MALRD1: variants seen among roughly 807,000 people sequenced by gnomAD.
The protein encoded by MALRD1 is MAM and LDL-receptor class A domain-containing protein 1.
In MALRD1, 247 loss-of-function variants were observed where a neutral mutation model predicts 242.1. The ratio of observed to expected loss-of-function variants is 1.02; its 90% confidence interval spans 0.92 to 1.13. The LOEUF (loss-of-function observed/expected upper bound fraction) is 1.13. Among genes scored for constraint, MALRD1 ranks in the 50% most tolerant of loss-of-function variants. The pLI is 0.00. For synonymous variants in MALRD1, 995 were observed against 866.6 expected (o/e 1.15, Z -2.60); for missense variants, 2,989 against 2,533.1 (o/e 1.18, Z -3.86).
At chr10:19,189,288 A>C (rs1447869501) in intron 14 of MALRD1, among the ~76,000 whole-genome samples, 1 of 152,184 alleles carries the variant, frequency 6.6e-6, no homozygotes, top group Non-Finnish European at 1.5e-5. Flanking sequence ...ATGGACCTAC[A>C]ACTAGCAAAG....
chr10:19,544,108 A>G (rs903420464), intron 32 of MALRD1, among the ~76,000 whole-genome samples: 1 of 150,796 alleles, frequency 6.6e-6, no homozygotes, highest in African/African-American at 2.5e-5. Context: ...TCATTGTCAT[A>G]TAGATCTTTT....
chr10:19,142,525 G>T (rs1833586054), intron 10 of MALRD1, among the ~76,000 whole-genome samples: 1 of 152,134 alleles, frequency 6.6e-6, no homozygotes, highest in South Asian at 2.1e-4. Context: ...GCAAGAGAAA[G>T]CTTTGTCATA....
At chr10:19,441,464 A>G (rs1264216293) in intron 28 of MALRD1, among the ~76,000 whole-genome samples, 1 of 152,154 alleles carries the variant, frequency 6.6e-6, no homozygotes, top group East Asian at 1.9e-4. Context: ...TAGGATTTTT[A>G]TGGTTATAGG....
At chr10:19,699,243 T>A (rs1234320054) in intron 38 of MALRD1, among the ~76,000 whole-genome samples, 4 of 141,170 alleles carry the variant, frequency 2.8e-5, no homozygotes, top group African/African-American at 1.2e-4. Context: ...CATGGTGTAA[T>A]ATGTACCTGG....
At chr10:19,227,154 A>AT (rs796326723) in intron 18 of MALRD1, among the ~76,000 whole-genome samples, 1,505 of 147,396 alleles carry the variant, frequency 0.01, 8 homozygotes, top group African/African-American at 0.021. Flanking sequence ...GCTGATTCTA[A>AT]TTTTTTTTTT....
intron 38 of MALRD1, among the ~76,000 whole-genome samples, chr10:19,695,541 A>G (rs1452554546): frequency 1.6e-5 from 2 of 127,424 alleles, no homozygotes; most frequent in Admixed American, 8.8e-5. Flanking sequence ...TTTTTTTGAG[A>G]TGGAGTCTCA....
chr10:19,233,791 G>A (rs1392634617), intron 18 of MALRD1, among the ~76,000 whole-genome samples: 1 of 151,822 alleles, frequency 6.6e-6, no homozygotes, highest in Non-Finnish European at 1.5e-5. Flanking sequence ...GGATTAAAAT[G>A]AATTAGGTTA....
chr10:19,279,342 C>T lies in MALRD1; in HGVS notation c.3080-705C>T, dbSNP rs1840694733. On this transcript the variant is annotated intron_variant, in intron 19 of 39. Transcript: ENST00000454679. ...CCTGAAGGGGCTCACACAACCCGTT[C>T]TGGGACTTGGTGATCATTCTTTGTG... Among the ~76,000 whole-genome samples, 3 of 152,174 alleles carry T rather than the reference C, an allele frequency of 2.0e-5. No homozygotes were observed. The South Asian group carries it at 6.2e-4, about 31-fold the overall frequency.
intron 1 of MALRD1, among the ~76,000 whole-genome samples, chr10:19,062,442 A>C (rs1834850117): frequency 6.6e-6 from 1 of 152,234 alleles, no homozygotes; most frequent in African/African-American, 2.4e-5. Context: ...TACCCCAAGG[A>C]AACCAAAGTA....
intron 29 of MALRD1, among the ~76,000 whole-genome samples, chr10:19,488,325 C>G (rs1448401825): frequency 6.6e-6 from 1 of 152,004 alleles, no homozygotes; most frequent in Non-Finnish European, 1.5e-5. Context: ...CAAGAGAACA[C>G]GATAAGAACT....
At chr10:19,257,652 T>A in intron 18 of MALRD1, 32 bp from the exon 19 acceptor site, 1 of 1,428,724 alleles carries the variant, frequency 7.0e-7, no homozygotes, top group Non-Finnish European at 9.6e-7. Flanking sequence ...TAAACACATT[T>A]CTTATTTTTA....
chr10:19,076,103 A>G (rs1286460360), intron 2 of MALRD1, among the ~76,000 whole-genome samples: 2 of 151,600 alleles, frequency 1.3e-5, no homozygotes, highest in Non-Finnish European at 2.9e-5. Context: ...CCAGTTTTTC[A>G]TTTATGTGTT....
intron 24 of MALRD1, among the ~76,000 whole-genome samples, chr10:19,342,875 A>G (rs1438206215): frequency 2.6e-5 from 4 of 152,056 alleles, no homozygotes; most frequent in Non-Finnish European, 2.9e-5. Context: ...TCTTAGGATA[A>G]TATTTTCCAG....
Position 19,335,180 on chromosome 10 carries a change from CTGTTTTTTTT to C in MALRD1, c.3901+3610_3901+3619del, listed in dbSNP as rs1444178594. 4.4e-3 allele frequency among the ~76,000 whole-genome samples: 570 copies of C among 128,362 alleles called. 5 individuals are homozygous for C. The highest frequency in any genetic ancestry group is 0.016 in the African/African-American group (542 of 33,452). The allele number at this position is 128,362 out of a possible 152,430, so 84.2% of individuals were successfully genotyped here. On this transcript the variant is annotated intron_variant, in intron 24 of 39. Transcript: ENST00000454679. Reference sequence around the variant, plus strand: ...GTGAATGATTGCAAAACCTCTTGTTCTGTTTTTTTTTGTTTTTTTTTTTTTTTAGATTTGA... The same window carrying C: ...GTGAATGATTGCAAAACCTCTTGTTCTGTTTTTTTTTTTTTTTAGATTTGA...
At chr10:19,699,076 C>G (rs1273645524) in intron 38 of MALRD1, among the ~76,000 whole-genome samples, 2 of 151,958 alleles carry the variant, frequency 1.3e-5, no homozygotes, top group African/African-American at 2.4e-5. Flanking sequence ...AGCATTAGGA[C>G]AAATACCTAA....
intron 28 of MALRD1, among the ~76,000 whole-genome samples, chr10:19,424,197 C>A (rs1393391886): frequency 6.6e-6 from 1 of 151,806 alleles, no homozygotes; most frequent in Non-Finnish European, 1.5e-5. Context: ...GCTCTGTTGC[C>A]CAGCCAGGGT....
At chr10:19,048,608 G>A (rs1171238610), upstream of MALRD1, among the ~76,000 whole-genome samples, 1 of 152,028 alleles carries the variant, frequency 6.6e-6, no homozygotes, top group Non-Finnish European at 1.5e-5. Flanking sequence ...TATTTAGCTG[G>A]CCTTTATTTT....
chr10:19,502,012 C>CA (rs1181159875), intron 31 of MALRD1, among the ~76,000 whole-genome samples: 642 of 40,240 alleles, frequency 0.016, 19 homozygotes, highest in African/African-American at 0.066. Context: ...GATTCTGTCT[C>CA]AAAAAAAAAA....
chr10:19,724,191 G>C (rs1834907766), intron 38 of MALRD1, among the ~76,000 whole-genome samples: 1 of 152,214 alleles, frequency 6.6e-6, no homozygotes, highest in South Asian at 2.1e-4. Context: ...GGTGTCCGGT[G>C]AGTTTCACTA....
Sources: gnomAD v4.1 joint callset for allele counts (sites outside exome capture counted in the v4.1 genomes callset) on GRCh38, gnomAD v4.1.1 for gene constraint, MANE v1.5 for transcripts, NCBI Gene and HGNC (gene_info 2026-07-23, HGNC 2026-07-21) for gene names.